Variants in ROBO2 observed in about 807,000 individuals in gnomAD.
The protein encoded by ROBO2 is roundabout homolog 2.
In ROBO2, 53 loss-of-function variants were observed where a neutral mutation model predicts 160.8. That is an observed-to-expected ratio of 0.33 (90% CI 0.26 to 0.41). The LOEUF (loss-of-function observed/expected upper bound fraction) is 0.41, where lower values mean the gene tolerates loss of function less well. Among genes scored for constraint, ROBO2 ranks in the 10% least tolerant of loss-of-function variants. The probability of loss-of-function intolerance (pLI) is 1.00; values close to 1 mark genes in which losing one functional copy is unlikely to be tolerated. For missense variants in ROBO2, 1,577 were observed against 1,722.4 expected, an observed-to-expected ratio of 0.92 and a Z score of 1.49; for synonymous variants, 664 against 611.7, an observed-to-expected ratio of 1.09 and a Z score of -1.26.
chr3:76,128,186 A>T (rs566125601), intron 2 of ROBO2, among the ~76,000 whole-genome samples: 1 of 151,872 alleles, frequency 6.6e-6, no homozygotes, highest in Non-Finnish European at 1.5e-5. Flanking sequence ...GAGCCACCGC[A>T]CCCCACCTGA....
intron 2 of ROBO2, among the ~76,000 whole-genome samples, chr3:77,225,792 A>C (rs1433276146): frequency 6.6e-6 from 1 of 152,026 alleles, no homozygotes; most frequent in Admixed American, 6.6e-5. Context: ...GCAAGCTTAT[A>C]ATAATGTTTA....
intron 2 of ROBO2, among the ~76,000 whole-genome samples, chr3:76,445,963 C>T (rs2077160310): frequency 6.6e-6 from 1 of 152,044 alleles, no homozygotes; most frequent in African/African-American, 2.4e-5. Context: ...GGAAGCATTC[C>T]CTTTGAAAAC....
intron 2 of ROBO2, among the ~76,000 whole-genome samples, chr3:76,631,371 A>T (rs1054129626): frequency 1.3e-5 from 2 of 152,100 alleles, no homozygotes; most frequent in African/African-American, 4.8e-5. Flanking sequence ...TCTGGTAAAG[A>T]TTCCCTTGCT....
At chr3:76,337,018 T>C (rs891130487) in intron 2 of ROBO2, among the ~76,000 whole-genome samples, 1 of 152,138 alleles carries the variant, frequency 6.6e-6, no homozygotes, top group Non-Finnish European at 1.5e-5. Flanking sequence ...TGGGGCTTTG[T>C]AGAGAAAAAA....
At chr3:77,278,848 C>G in intron 2 of ROBO2, among the ~76,000 whole-genome samples, 1 of 152,066 alleles carries the variant, frequency 6.6e-6, no homozygotes, top group African/African-American at 2.4e-5. Context: ...AAAAGACAAA[C>G]AAAAATATGA....
At chr3:77,358,755 T>A (rs534675420) in intron 2 of ROBO2, among the ~76,000 whole-genome samples, 1 of 152,328 alleles carries the variant, frequency 6.6e-6, no homozygotes, top group African/African-American at 2.4e-5. Flanking sequence ...GAAAGAGATT[T>A]TTAAATATCA....
chr3:76,153,726 A>C (rs2072294685), intron 2 of ROBO2, among the ~76,000 whole-genome samples: 1 of 152,114 alleles, frequency 6.6e-6, no homozygotes, highest in Non-Finnish European at 1.5e-5. Flanking sequence ...ACATTATTCA[A>C]ATTCCATCTT....
chr3:76,284,407 T>TA (rs35130005), intron 2 of ROBO2, among the ~76,000 whole-genome samples: 28,146 of 151,520 alleles, frequency 0.19, 4,237 homozygotes, highest in East Asian at 0.43. Flanking sequence ...GTGACTCCTA[T>TA]AAAAAAAATC....
At chr3:76,196,371 T>A (rs1702261782) in intron 2 of ROBO2, among the ~76,000 whole-genome samples, 1 of 152,128 alleles carries the variant, frequency 6.6e-6, no homozygotes, top group African/African-American at 2.4e-5. Context: ...CGATGTATAG[T>A]CAGCTGTACC....
intron 2 of ROBO2, among the ~76,000 whole-genome samples, chr3:77,206,369 C>T (rs887732237): frequency 6.6e-6 from 1 of 152,120 alleles, no homozygotes; most frequent in South Asian, 2.1e-4. Flanking sequence ...GGGTTTTTAC[C>T]ACACTGGCCA....
intron 8 of ROBO2, among the ~76,000 whole-genome samples, chr3:77,552,335 C>T (rs897868556): frequency 1.3e-5 from 2 of 151,938 alleles, no homozygotes; most frequent in East Asian, 3.9e-4. Flanking sequence ...AGAAGATTGA[C>T]TCTCAAATGT....
intron 16 of ROBO2, among the ~76,000 whole-genome samples, chr3:77,584,499 C>T (rs909878928): frequency 2.0e-5 from 3 of 152,030 alleles, no homozygotes; most frequent in African/African-American, 7.2e-5. Context: ...TAAAATGATG[C>T]ATATAAAGCT....
intron 2 of ROBO2, among the ~76,000 whole-genome samples, chr3:77,239,031 C>T (rs572880064): frequency 2.6e-5 from 4 of 152,308 alleles, no homozygotes; most frequent in South Asian, 2.1e-4. Context: ...CCTGTGGAAT[C>T]CACAGACACA....
At chr3:76,394,287 G>C (rs188939445) in intron 2 of ROBO2, among the ~76,000 whole-genome samples, 1 of 152,004 alleles carries the variant, frequency 6.6e-6, no homozygotes, top group Admixed American at 6.6e-5. Flanking sequence ...TCCATGTTTA[G>C]TGCTTCCTTC....
chr3:76,531,773 G>A (rs1296024761), intron 2 of ROBO2, among the ~76,000 whole-genome samples: 1 of 151,850 alleles, frequency 6.6e-6, no homozygotes, highest in Non-Finnish European at 1.5e-5. Flanking sequence ...TTTCCAATAT[G>A]CCTAAAGTTT....
intron 2 of ROBO2, among the ~76,000 whole-genome samples, chr3:76,058,953 C>T (rs1208423548): frequency 1.3e-5 from 2 of 150,766 alleles, no homozygotes; most frequent in Non-Finnish European, 3.0e-5. Context: ...TCCAGCTTCA[C>T]CCATGTCCCT....
intron 2 of ROBO2, among the ~76,000 whole-genome samples, chr3:77,466,631 G>T: frequency 6.6e-6 from 1 of 152,148 alleles, no homozygotes; most frequent in East Asian, 1.9e-4. Context: ...GAGATTTGTT[G>T]AGTTTCGGGT....
chr3:77,283,967 G>T (rs181544390), intron 2 of ROBO2, among the ~76,000 whole-genome samples: 1 of 152,236 alleles, frequency 6.6e-6, no homozygotes, highest in Admixed American at 6.5e-5. Flanking sequence ...GTATTTTACA[G>T]AAGTTTCTAT....
chr3:76,397,836 A>G (rs1446146296), intron 2 of ROBO2, among the ~76,000 whole-genome samples: 3 of 151,730 alleles, frequency 2.0e-5, no homozygotes, highest in Non-Finnish European at 4.4e-5. Flanking sequence ...CAGGTGCTGG[A>G]GAGGATGTGG....
Sources: allele counts gnomAD v4.1 joint callset (sites outside exome capture counted in the v4.1 genomes callset), GRCh38; gene constraint gnomAD v4.1.1; transcripts MANE v1.5; gene names NCBI Gene and HGNC (gene_info 2026-07-23, HGNC 2026-07-21).